The following ZC3H12B variants were observed in gnomAD, a reference collection of about 807,000 sequenced individuals.
ZC3H12B encodes the protein zinc finger CCCH-type containing 12B.
A neutral mutation model predicts 43.9 loss-of-function variants in ZC3H12B; 7 were observed. The observed-to-expected ratio is 0.16, with a 90% CI of 0.09 to 0.30. The LOEUF is 0.30. Ranked by LOEUF, ZC3H12B falls within the 10% of genes least tolerant of loss-of-function variation. ZC3H12B has a pLI of 1.00. For synonymous variants in ZC3H12B, 222 were observed against 241.7 expected (o/e 0.92, Z 0.76); for missense variants, 475 against 670.2 (o/e 0.71, Z 3.22).
the ZC3H12B span, among the ~76,000 whole-genome samples, chrX:65,057,905 A>T: frequency 8.9e-6 from 1 of 111,872 alleles, no homozygotes; most frequent in African/African-American, 3.3e-5. Context: ...TTCATTTCCT[A>T]GCTGTCGTGC....
the ZC3H12B span, among the ~76,000 whole-genome samples, chrX:65,223,518 C>G: frequency 8.0e-5 from 9 of 112,498 alleles, no homozygotes; most frequent in Admixed American, 1.9e-4. Context: ...AAGAAATAAT[C>G]AGCAAAGTTA....
intron 3 of ZC3H12B, among the ~76,000 whole-genome samples, chrX:65,409,556 C>CCA (rs149933064): frequency 0.016 from 1,436 of 87,620 alleles, 14 homozygotes; most frequent in African/African-American, 0.029. Context: ...CCTAAAGACT[C>CCA]CACACACACA....
chrX:65,254,668 A>G, the ZC3H12B span, among the ~76,000 whole-genome samples: 3 of 112,500 alleles, frequency 2.7e-5, no homozygotes, highest in Admixed American at 9.4e-5. Context: ...CACACTTCCA[A>G]AAGAATGCAC....
At chrX:65,265,717 G>A in the ZC3H12B span, among the ~76,000 whole-genome samples, 1 of 111,720 alleles carries the variant, frequency 9.0e-6, no homozygotes, top group African/African-American at 3.3e-5. Flanking sequence ...TGTTGTGGTT[G>A]TTGTTATTGT....
the ZC3H12B span, among the ~76,000 whole-genome samples, chrX:65,126,525 G>A: frequency 9.0e-6 from 1 of 111,150 alleles, no homozygotes; most frequent in Non-Finnish European, 1.9e-5. Flanking sequence ...GTATTTGGAT[G>A]TCTAGATCTC....
chrX:65,108,350 G>A, the ZC3H12B span, among the ~76,000 whole-genome samples: 3 of 110,738 alleles, frequency 2.7e-5, no homozygotes, highest in Admixed American at 9.6e-5. Flanking sequence ...ACATTGTATA[G>A]CTATACAATA....
At chrX:65,161,913 C>T in the ZC3H12B span, among the ~76,000 whole-genome samples, 3 of 111,719 alleles carry the variant, frequency 2.7e-5, no homozygotes, top group South Asian at 7.5e-4. Context: ...ACTGGTTGTT[C>T]CTTTCCATGT....
the ZC3H12B span, among the ~76,000 whole-genome samples, chrX:65,226,390 A>C: frequency 1.8e-5 from 2 of 111,677 alleles, no homozygotes; most frequent in Non-Finnish European, 3.8e-5. Flanking sequence ...ATGGAAAGGA[A>C]CAACCGGTAC....
At chrX:65,234,660 AC>A in the ZC3H12B span, among the ~76,000 whole-genome samples, 5 of 112,675 alleles carry the variant, frequency 4.4e-5, no homozygotes, top group Non-Finnish European at 7.5e-5. Flanking sequence ...ATTAGAACTG[AC>A]AAAACCAGTA....
the ZC3H12B span, among the ~76,000 whole-genome samples, chrX:65,333,433 A>G: frequency 8.9e-6 from 1 of 112,029 alleles, no homozygotes; most frequent in Non-Finnish European, 1.9e-5. Context: ...AATCCTCCAA[A>G]TTTTGTTCAC....
chrX:65,055,884 C>G, the ZC3H12B span, among the ~76,000 whole-genome samples: 2 of 111,705 alleles, frequency 1.8e-5, no homozygotes, highest in African/African-American at 3.2e-5. Context: ...TAGAGGTGTT[C>G]ATAGTATTCT....
the ZC3H12B span, among the ~76,000 whole-genome samples, chrX:65,151,576 T>C: frequency 2.7e-5 from 3 of 112,064 alleles, no homozygotes; most frequent in Non-Finnish European, 5.6e-5. Flanking sequence ...CCCTAATCTT[T>C]AAAGGTGTGA....
chrX:65,218,502 G>A, the ZC3H12B span, among the ~76,000 whole-genome samples: 2 of 111,440 alleles, frequency 1.8e-5, no homozygotes, highest in East Asian at 5.7e-4. Flanking sequence ...AGGACTTTTG[G>A]GCTATAGGCT....
the ZC3H12B span, among the ~76,000 whole-genome samples, chrX:65,189,755 C>T: frequency 9.0e-6 from 1 of 110,713 alleles, no homozygotes; most frequent in Non-Finnish European, 1.9e-5. Flanking sequence ...GTTGCCTGTT[C>T]ACTCTGATGG....
the ZC3H12B span, among the ~76,000 whole-genome samples, chrX:65,054,651 G>T: frequency 8.9e-6 from 1 of 111,732 alleles, no homozygotes; most frequent in Non-Finnish European, 1.9e-5. Flanking sequence ...GATGGGGGTG[G>T]CGTTGAATCT....
At chrX:65,194,923 G>A in the ZC3H12B span, among the ~76,000 whole-genome samples, 155 of 111,691 alleles carry the variant, frequency 1.4e-3, 1 homozygote, top group African/African-American at 4.9e-3. Context: ...TATAGTGACC[G>A]TCTTTATCTT....
the ZC3H12B span, among the ~76,000 whole-genome samples, chrX:65,293,879 T>A: frequency 9.0e-6 from 1 of 111,465 alleles, no homozygotes; most frequent in African/African-American, 3.3e-5. Flanking sequence ...AACCTAAGAA[T>A]AATTGGTGTT....
At chrX:65,128,287 A>G in the ZC3H12B span, among the ~76,000 whole-genome samples, 78 of 112,107 alleles carry the variant, frequency 7.0e-4, no homozygotes, top group Admixed American at 1.1e-3. Flanking sequence ...TCAGTTCAAT[A>G]TATTTTATTT....
At chrX:65,187,594 T>TA in the ZC3H12B span, among the ~76,000 whole-genome samples, 3 of 110,614 alleles carry the variant, frequency 2.7e-5, no homozygotes, top group Non-Finnish European at 3.8e-5. Flanking sequence ...TTATAATTAT[T>TA]AATGGCAAAA....
Sources: allele counts gnomAD v4.1 joint callset (sites outside exome capture counted in the v4.1 genomes callset), GRCh38; gene constraint gnomAD v4.1.1; transcripts MANE v1.5; gene names NCBI Gene and HGNC (gene_info 2026-07-23, HGNC 2026-07-21).